The following ADAM32 variants were observed in gnomAD, a reference collection of about 807,000 sequenced individuals.
The protein encoded by ADAM32 is ADAM metallopeptidase domain 32.
In ADAM32, 89 loss-of-function variants were observed where a neutral mutation model predicts 114.9. The ratio of observed to expected loss-of-function variants is 0.77; its 90% confidence interval spans 0.65 to 0.92. ADAM32 has a LOEUF of 0.92. Ranked by LOEUF, ADAM32 falls within the 40% of genes least tolerant of loss-of-function variation. ADAM32 has a pLI of 0.00. For missense variants in ADAM32, 870 were observed against 932.8 expected (o/e 0.93, Z 0.88); for synonymous variants, 285 against 307.5 (o/e 0.93, Z 0.77).
intron 10 of ADAM32, among the ~76,000 whole-genome samples, chr8:39,184,857 G>A (rs1387887456): frequency 6.6e-6 from 1 of 152,168 alleles, no homozygotes; most frequent in Non-Finnish European, 1.5e-5. Context: ...CATAATCCCT[G>A]TAGGTCAAAG....
intron 19 of ADAM32, 63 bp downstream of exon 19, chr8:39,257,406 A>G: frequency 6.4e-7 from 1 of 1,555,636 alleles, no homozygotes; most frequent in African/African-American, 1.4e-5. Context: ...TATATGTAAG[A>G]CAATATCACG....
intron 20 of ADAM32, among the ~76,000 whole-genome samples, chr8:39,273,308 C>T (rs933806847): frequency 6.6e-6 from 1 of 151,974 alleles, no homozygotes; most frequent in Admixed American, 6.6e-5. Context: ...GAGTTCGAAA[C>T]TAGCCTAGCC....
chr8:39,182,477 A>C (rs1165604185), intron 10 of ADAM32, among the ~76,000 whole-genome samples: 1 of 152,226 alleles, frequency 6.6e-6, no homozygotes, highest in Non-Finnish European at 1.5e-5. Context: ...AAAATGGTTA[A>C]ATCTAGCTAA....
rs112021397 is a variant in ADAM32 at position 39,277,817 on chromosome 8, C to T, written c.2279+1951C>T. On this transcript the variant is annotated intron_variant, in intron 22 of 24. Coordinates refer to ENST00000379907, the MANE Select transcript of ADAM32 (RefSeq NM_145004.7). ...TATCCAGGCAGGGTGCCTGTGACTC[C>T]GAAAACCCCAGAGGGCGTGTTACAG... Among the ~76,000 whole-genome samples the T allele has an allele frequency of 6.6e-5, 10 of 152,350 alleles. 1 individual carries two copies. Among genetic ancestry groups the T allele is most frequent in the African/African-American group, 2.4e-4 (10 of 41,584 alleles).
At chr8:39,188,282 AAC>A (rs1310548103) in intron 11 of ADAM32, among the ~76,000 whole-genome samples, 1 of 152,128 alleles carries the variant, frequency 6.6e-6, no homozygotes, top group Non-Finnish European at 1.5e-5. Context: ...TACACACACA[AAC>A]ACACATAATC....
chr8:39,233,212 G>A (rs1236783124), intron 15 of ADAM32, among the ~76,000 whole-genome samples: 1 of 152,102 alleles, frequency 6.6e-6, no homozygotes, highest in Non-Finnish European at 1.5e-5. Context: ...TGCTCAACAG[G>A]CAAAGCAGCA....
At chr8:39,155,181 CT>C (rs369257922) in intron 6 of ADAM32, among the ~76,000 whole-genome samples, 96 of 152,308 alleles carry the variant, frequency 6.3e-4, no homozygotes, top group African/African-American at 2.2e-3. Context: ...CAAAGATGCC[CT>C]CTGGCATCAC....
At chr8:39,228,884 G>A (rs1007923931) in intron 14 of ADAM32, among the ~76,000 whole-genome samples, 1 of 152,210 alleles carries the variant, frequency 6.6e-6, no homozygotes, top group African/African-American at 2.4e-5. Flanking sequence ...TTGTCATCAG[G>A]TTTTCCAAAG....
chr8:39,284,153 TC>T (rs1489619600), intron 24 of ADAM32, among the ~76,000 whole-genome samples: 1 of 152,342 alleles, frequency 6.6e-6, no homozygotes, highest in East Asian at 1.9e-4. Context: ...CTGTTTTTTT[TC>T]AGTTTAGTAA....
intron 20 of ADAM32, among the ~76,000 whole-genome samples, chr8:39,273,308 C>G (rs933806847): frequency 6.6e-6 from 1 of 151,974 alleles, no homozygotes; most frequent in African/African-American, 2.4e-5. Context: ...GAGTTCGAAA[C>G]TAGCCTAGCC....
chr8:39,139,577 G>A (rs1482115557), intron 3 of ADAM32, among the ~76,000 whole-genome samples: 2 of 152,176 alleles, frequency 1.3e-5, no homozygotes, highest in African/African-American at 4.8e-5. Context: ...GGTTACTGTA[G>A]CCTTGTAGTA....
chr8:39,273,529 A>ACAAACAAACAAAC (rs1554629386), intron 20 of ADAM32, among the ~76,000 whole-genome samples: 1 of 150,826 alleles, frequency 6.6e-6, no homozygotes, highest in Non-Finnish European at 1.5e-5. Context: ...TCCACCTCAA[A>ACAAACAAACAAAC]AAACAAACAA....
In ADAM32 at chr8:39,264,424, G is replaced by T. The variant is rs562795367; in HGVS notation, c.2163-6452G>T. ...GTAATGTCACTTTGGTCATTTCTTA[G>T]TGTGGTTATTTGGATCATCTCTTTT... On this transcript the variant is annotated intron_variant, in intron 19 of 24. Coordinates refer to ENST00000379907, the MANE Select transcript of ADAM32 (RefSeq NM_145004.7). 9.2e-5 allele frequency among the ~76,000 whole-genome samples: 14 copies of T among 152,216 alleles called. No homozygotes were observed. The South Asian group carries it at 2.9e-3, about 32-fold the overall frequency.
chr8:39,226,899 T>C (rs1371957656), intron 14 of ADAM32, among the ~76,000 whole-genome samples: 1 of 152,208 alleles, frequency 6.6e-6, no homozygotes, highest in Non-Finnish European at 1.5e-5. Flanking sequence ...GATGTGTCTC[T>C]AGTATAAAGG....
intron 12 of ADAM32, among the ~76,000 whole-genome samples, chr8:39,217,248 A>G (rs1434245186): frequency 6.6e-6 from 1 of 151,850 alleles, no homozygotes; most frequent in Non-Finnish European, 1.5e-5. Flanking sequence ...TTGAATCTCC[A>G]TTGTATATTA....
chr8:39,108,966 C>A (rs117951331), intron 1 of ADAM32, among the ~76,000 whole-genome samples: 1 of 152,106 alleles, frequency 6.6e-6, no homozygotes, highest in African/African-American at 2.4e-5. Flanking sequence ...CATGAGGGTC[C>A]CACTCTATGC....
At chr8:39,169,833 C>G in intron 9 of ADAM32, 83 bp from the exon 10 acceptor site, 3 of 1,041,300 alleles carry the variant, frequency 2.9e-6, no homozygotes. Flanking sequence ...ATTTTATGAA[C>G]TGCAGACTTA....
chr8:39,274,940 T>C (rs1812981489), intron 21 of ADAM32, among the ~76,000 whole-genome samples: 2 of 152,252 alleles, frequency 1.3e-5, no homozygotes. Context: ...ATGGGAAGCA[T>C]GGAGTGGTGT....
chr8:39,141,631 A>G (rs1803160289), intron 3 of ADAM32, among the ~76,000 whole-genome samples: 1 of 152,186 alleles, frequency 6.6e-6, no homozygotes, highest in African/African-American at 2.4e-5. Context: ...ATTTTAGAAT[A>G]AGTGTGATGT....
Sources: allele counts gnomAD v4.1 joint callset (sites outside exome capture counted in the v4.1 genomes callset), GRCh38; gene constraint gnomAD v4.1.1; transcripts MANE v1.5; gene names NCBI Gene and HGNC (gene_info 2026-07-23, HGNC 2026-07-21).